Variants in SLC5A8 observed in about 807,000 individuals in gnomAD.
SLC5A8 encodes solute carrier family 5 member 8.
In SLC5A8, 55 loss-of-function variants were observed where a neutral mutation model predicts 71.9. The ratio of observed to expected loss-of-function variants is 0.77; its 90% confidence interval spans 0.62 to 0.96. The LOEUF (loss-of-function observed/expected upper bound fraction) is 0.96. SLC5A8 is among the 40% of genes least tolerant of loss of function. The pLI, the probability that SLC5A8 is intolerant of heterozygous loss-of-function variation, is 0.00. For synonymous variants in SLC5A8, 307 were observed against 276.1 expected, an observed-to-expected ratio of 1.11 and a Z score of -1.11; for missense variants, 701 against 745.3, an observed-to-expected ratio of 0.94 and a Z score of 0.69.
At chr12:101,191,473 A>T (rs916609463) in intron 5 of SLC5A8, among the ~76,000 whole-genome samples, 1 of 152,220 alleles carries the variant, frequency 6.6e-6, no homozygotes, top group African/African-American at 2.4e-5. Context: ...TTCTTATGGA[A>T]ATGTGAGAGC....
At position 101,157,460 on chromosome 12, in the gene SLC5A8, A is replaced by G. The variant is rs2051676305; in HGVS notation, c.1711-59T>C. 3 of 1,507,184 alleles carry G rather than the reference A, an allele frequency of 2.0e-6. No individual in the cohort carries two copies. In the African/African-American group the frequency reaches 4.2e-5, roughly 21 times the overall value. 93.4% of individuals were successfully genotyped at this position (1,507,184 alleles called of 1,614,324 possible). ...AGAAAAAGAAGCTCTTCATTCATGT[A>G]ATTCTAAATAATTGTTTCTACTATT... On this transcript the variant is annotated intron_variant, in intron 14 of 14. Transcript: ENST00000536262.
At chr12:101,176,093 G>A (rs2137136590) in intron 10 of SLC5A8, among the ~76,000 whole-genome samples, 1 of 152,094 alleles carries the variant, frequency 6.6e-6, no homozygotes, top group African/African-American at 2.4e-5. Context: ...ACTGTGTGCT[G>A]TCTACAAAAA....
intron 2 of SLC5A8, among the ~76,000 whole-genome samples, 188 bp from the exon 3 acceptor site, chr12:101,202,403 G>A (rs535902271): frequency 5.9e-5 from 9 of 152,150 alleles, no homozygotes; most frequent in Admixed American, 3.9e-4. Context: ...TTCTGTTTAC[G>A]GTATGACCGG....
chr12:101,167,576 T>C (rs778355248), intron 11 of SLC5A8, among the ~76,000 whole-genome samples: 12 of 152,204 alleles, frequency 7.9e-5, no homozygotes, highest in South Asian at 2.1e-4. Flanking sequence ...AGGACAGAGA[T>C]ATTACGTCTT....
intron 3 of SLC5A8, among the ~76,000 whole-genome samples, chr12:101,199,077 C>T (rs144118456): frequency 4.7e-4 from 71 of 151,906 alleles, no homozygotes; most frequent in Middle Eastern, 3.4e-3. Context: ...GGAATATCAA[C>T]ATATAAAAGT....
intron 1 of SLC5A8, among the ~76,000 whole-genome samples, 164 bp from the exon 2 acceptor site, chr12:101,204,729 T>G (rs1027810222): frequency 6.6e-6 from 1 of 152,240 alleles, no homozygotes; most frequent in Non-Finnish European, 1.5e-5. Flanking sequence ...CAAAATTGAC[T>G]CTTTTGTTTT....
intron 10 of SLC5A8, among the ~76,000 whole-genome samples, chr12:101,169,603 G>T (rs1257271099): frequency 6.6e-6 from 1 of 152,182 alleles, no homozygotes; most frequent in Non-Finnish European, 1.5e-5. Flanking sequence ...CCCCTGCTGT[G>T]CCAGTACTAG....
At chr12:101,167,040 C>T (rs992989839) in intron 11 of SLC5A8, among the ~76,000 whole-genome samples, 6 of 152,146 alleles carry the variant, frequency 3.9e-5, no homozygotes, top group South Asian at 2.1e-4. Context: ...GTTATTCTTC[C>T]GTTACCGCCC....
chr12:101,202,430 T>C (rs1233728303), intron 2 of SLC5A8, among the ~76,000 whole-genome samples: 1 of 152,160 alleles, frequency 6.6e-6, no homozygotes, highest in Non-Finnish European at 1.5e-5. Flanking sequence ...GTTACAAATA[T>C]TTTTTTGTGA....
chr12:101,187,930 C>A (rs1237971474), intron 6 of SLC5A8, among the ~76,000 whole-genome samples: 1 of 152,224 alleles, frequency 6.6e-6, no homozygotes, highest in Non-Finnish European at 1.5e-5. Flanking sequence ...TTAACATTTA[C>A]ACAGTAACTC....
At chr12:101,170,081 GC>G (rs2051814440) in intron 10 of SLC5A8, among the ~76,000 whole-genome samples, 1 of 152,184 alleles carries the variant, frequency 6.6e-6, no homozygotes, top group Admixed American at 6.5e-5. Context: ...GGTGTTGCAG[GC>G]AGAGGGAGAA....
intron 10 of SLC5A8, among the ~76,000 whole-genome samples, chr12:101,169,356 GA>G (rs372732630): frequency 8.1e-4 from 124 of 152,328 alleles, no homozygotes; most frequent in African/African-American, 2.8e-3. Context: ...CTGATATATG[GA>G]AAAAGGGGAA....
At chr12:101,182,206 G>C (rs932543390) in intron 9 of SLC5A8, among the ~76,000 whole-genome samples, 1 of 152,180 alleles carries the variant, frequency 6.6e-6, no homozygotes, top group African/African-American at 2.4e-5. Context: ...TCATCTCCAG[G>C]ACAGTGTACA....
chr12:101,187,431 A>T lies in SLC5A8; in HGVS notation c.918T>A (p.His306Gln). 6.2e-7 allele frequency: 1 copy of T among 1,613,954 alleles called. No individual in the cohort carries two copies. Among genetic ancestry groups the T allele is most frequent in the Non-Finnish European group, 8.5e-7 (1 of 1,179,930 alleles). Residue 306 changes from histidine (H) to glutamine (Q), a missense_variant, in exon 7 of 15, where the codon CAT becomes CAA. Physicochemically the swap from His to Gln is conservative, Grantham distance 24. Transcript: ENST00000536262. ...FCGLALYSRY[H>Q]DCDPWTAKKV... Reference sequence around the variant, plus strand: ...TCTTGGCTGTCCAAGGATCACAGTCATGGTACCTGGAATATAGGGCGAGCC... The same window carrying T: ...TCTTGGCTGTCCAAGGATCACAGTCTTGGTACCTGGAATATAGGGCGAGCC...
chr12:101,161,953 T>C (rs757733542), intron 13 of SLC5A8, 21 bp downstream of exon 13: 2 of 1,510,862 alleles, frequency 1.3e-6, no homozygotes, highest in Non-Finnish European at 1.8e-6. Context: ...AATACAACAA[T>C]ACTAATGTTT....
At chr12:101,203,953 T>C (rs1021194883) in intron 2 of SLC5A8, among the ~76,000 whole-genome samples, 1 of 34,244 alleles carries the variant, frequency 2.9e-5, no homozygotes, top group Non-Finnish European at 4.9e-5. Flanking sequence ...TCCAGAGTTT[T>C]GATTCTGTTG....
At chr12:101,169,498 G>A (rs1380766381) in intron 10 of SLC5A8, among the ~76,000 whole-genome samples, 1 of 152,176 alleles carries the variant, frequency 6.6e-6, no homozygotes, top group Non-Finnish European at 1.5e-5. Context: ...CATATAATCA[G>A]GGATGGGGTC....
intron 11 of SLC5A8, 88 bp downstream of exon 11, chr12:101,168,008 T>C (rs2051789199): frequency 3.2e-6 from 4 of 1,251,054 alleles, no homozygotes; most frequent in Non-Finnish European, 3.4e-6. Context: ...TAATGACAAA[T>C]CTCAAAGGAA....
Position 101,156,735 on chromosome 12 carries a change from C to T in SLC5A8, c.*544G>A, listed in dbSNP as rs970451321. The T allele has an allele frequency of 6.6e-6, 1 of 152,218 alleles. No homozygotes were observed. The highest frequency in any genetic ancestry group is 2.4e-5 in the African/African-American group (1 of 41,418). The allele number at this position is 152,218 out of a possible 1,614,324, so 9.4% of individuals were successfully genotyped here. A position where few individuals can be genotyped will look rare whatever the true frequency, so the allele number is the denominator to read the frequency against. On this transcript the variant is annotated 3_prime_UTR_variant, in exon 15 of 15. Transcript: ENST00000536262. The stretch of plus-strand genomic sequence containing the variant: ...CTTATTGATTACCACCTTCCTGATT[C>T]AGAATCAGTTTGCAGGTTAGTATAT...
Sources: gnomAD v4.1 joint callset for allele counts (sites outside exome capture counted in the v4.1 genomes callset) on GRCh38, gnomAD v4.1.1 for gene constraint, MANE v1.5 for transcripts, NCBI Gene and HGNC (gene_info 2026-07-23, HGNC 2026-07-21) for gene names.